ANAPC1: variants seen among roughly 807,000 people sequenced by gnomAD.
ANAPC1 encodes the protein anaphase promoting complex subunit 1.
A neutral mutation model predicts 208.0 loss-of-function variants in ANAPC1; 36 were observed. The observed-to-expected ratio is 0.17, with a 90% CI of 0.13 to 0.23. The LOEUF is 0.23. ANAPC1 is among the 10% of genes least tolerant of loss of function. The pLI is 1.00. For missense variants in ANAPC1, 942 were observed against 2,011.6 expected, an observed-to-expected ratio of 0.47 and a Z score of 10.17; for synonymous variants, 378 against 695.2, an observed-to-expected ratio of 0.54 and a Z score of 7.18.
intron 17 of ANAPC1, among the ~76,000 whole-genome samples, chr2:111,841,278 C>G (rs1680747377): frequency 6.6e-6 from 1 of 151,802 alleles, no homozygotes; most frequent in Admixed American, 6.6e-5. Flanking sequence ...AAAATCTTTG[C>G]CTTCCTAGAA....
intron 6 of ANAPC1, among the ~76,000 whole-genome samples, chr2:111,868,312 G>A (rs528254783): frequency 2.0e-5 from 3 of 152,048 alleles, no homozygotes; most frequent in African/African-American, 4.8e-5. Context: ...ATCAATGCAC[G>A]AACAGAGGGA....
chr2:111,773,343 A>G (rs1161422272), intron 46 of ANAPC1, among the ~76,000 whole-genome samples: 1 of 152,268 alleles, frequency 6.6e-6, no homozygotes, highest in African/African-American at 2.4e-5. Flanking sequence ...CCATTTGATT[A>G]CCATCCGAAA....
chr2:111,807,694 A>AT (rs1678759810), intron 29 of ANAPC1, among the ~76,000 whole-genome samples: 1 of 152,198 alleles, frequency 6.6e-6, no homozygotes. Flanking sequence ...TCTCTCAAAA[A>AT]AAAAAAAAAT....
chr2:111,805,263 G>GA (rs1165151411), intron 30 of ANAPC1, among the ~76,000 whole-genome samples: 1 of 127,562 alleles, frequency 7.8e-6, no homozygotes, highest in Non-Finnish European at 1.6e-5. Flanking sequence ...CATTTCAAGT[G>GA]AAACAATCAT....
intron 2 of ANAPC1, 126 bp downstream of exon 2, chr2:111,880,487 C>T: frequency 2.1e-6 from 3 of 1,436,720 alleles, no homozygotes; most frequent in Non-Finnish European, 2.7e-6. Context: ...ATTGAAATTA[C>T]CACACCTTAA....
rs184994173 is a variant in ANAPC1 at position 111,871,910 on chromosome 2, C to G, written c.611+720G>C. ...CTTTTGGAGGAGTCTATAGGGTTTT[C>G]TAGGTATATAATCATATTATCAGCA... On this transcript the variant is annotated intron_variant, in intron 6 of 47. Coordinates refer to ENST00000341068, the MANE Select transcript of ANAPC1 (RefSeq NM_022662.4). Among the ~76,000 whole-genome samples the G allele has an allele frequency of 4.6e-5, 7 of 152,216 alleles. No homozygotes were observed. In the South Asian group the frequency reaches 1.0e-3, roughly 23 times the overall value.
intron 14 of ANAPC1, among the ~76,000 whole-genome samples, chr2:111,849,125 C>A (rs1681252936): frequency 1.3e-5 from 2 of 152,224 alleles, no homozygotes; most frequent in African/African-American, 4.8e-5. Flanking sequence ...TTACTCTATT[C>A]CAGATTCTAC....
intron 24 of ANAPC1, among the ~76,000 whole-genome samples, chr2:111,823,000 CTTTTTTTTTTTT>C (rs58815496): frequency 1.6e-5 from 1 of 61,312 alleles, no homozygotes; most frequent in African/African-American, 7.1e-5. Flanking sequence ...TCTTTTTATT[CTTTTTTTTTTTT>C]TTTTTTTTTT....
At chr2:111,766,594 C>T (rs1363797166), downstream of ANAPC1, 17 of 213,372 alleles carry the variant, frequency 8.0e-5, no homozygotes, top group Admixed American at 1.6e-4. Flanking sequence ...ACATTCCCCC[C>T]CAATTTGATC....
intron 26 of ANAPC1, among the ~76,000 whole-genome samples, chr2:111,820,070 A>C (rs2104425712): frequency 6.6e-6 from 1 of 152,354 alleles, no homozygotes; most frequent in South Asian, 2.1e-4. Flanking sequence ...AAGATGTATC[A>C]TTATTTCATG....
chr2:111,879,877 A>G (rs1457122034), intron 2 of ANAPC1, among the ~76,000 whole-genome samples: 1 of 149,938 alleles, frequency 6.7e-6, no homozygotes, highest in Non-Finnish European at 1.5e-5. Flanking sequence ...CGTCTCAGGA[A>G]AAAAAAAAAG....
intron 17 of ANAPC1, among the ~76,000 whole-genome samples, chr2:111,840,844 A>G (rs1573438706): frequency 6.6e-6 from 1 of 152,172 alleles, no homozygotes; most frequent in Admixed American, 6.5e-5. Flanking sequence ...GGAGTTTAAA[A>G]CCATCATAGC....
rs745980648 is a variant in ANAPC1 at position 111,873,633 on chromosome 2, T to C, written c.407A>G (p.Asp136Gly). Residue 136 changes from aspartate (D) to glycine (G), a missense_variant, in exon 4 of 48, where the codon GAT becomes GGT. Asp to Gly is a moderately conservative substitution (Grantham distance 94, BLOSUM62 -1). Coordinates refer to ENST00000341068, the MANE Select transcript of ANAPC1 (RefSeq NM_022662.4). ...ALWCDFIISQ[D>G]KSEKAYSSNE... ...CTTACTGTAGGCCTTTTCAGACTTA[T>C]CCTGTGATATAATGAAGTCACACCA... The C allele has an allele frequency of 6.3e-7, 1 of 1,584,782 alleles. No individual in the cohort carries two copies. Among genetic ancestry groups the C allele is most frequent in the South Asian group, 1.2e-5 (1 of 83,244 alleles).
chr2:111,829,917 A>G (rs1457134243), intron 21 of ANAPC1, among the ~76,000 whole-genome samples: 3 of 151,950 alleles, frequency 2.0e-5, no homozygotes, highest in Non-Finnish European at 4.4e-5. Flanking sequence ...TAAAAATACA[A>G]AAAATTAGCC....
chr2:111,846,826 T>C (rs1220563391), intron 16 of ANAPC1, among the ~76,000 whole-genome samples: 1 of 151,958 alleles, frequency 6.6e-6, no homozygotes, highest in Non-Finnish European at 1.5e-5. Context: ...CGCCTCAGTC[T>C]CACAAAGTGT....
chr2:111,775,830 CAT>C (rs1332803931), intron 46 of ANAPC1, among the ~76,000 whole-genome samples: 10 of 152,362 alleles, frequency 6.6e-5, no homozygotes, highest in African/African-American at 2.2e-4. Flanking sequence ...TTTGAAATAA[CAT>C]GTTTTTCCCC....
At chr2:111,810,335 C>T (rs1160422338) in intron 28 of ANAPC1, among the ~76,000 whole-genome samples, 1 of 151,536 alleles carries the variant, frequency 6.6e-6, no homozygotes, top group Non-Finnish European at 1.5e-5. Flanking sequence ...TGGGGAGTCA[C>T]CACTAGTGGG....
intron 2 of ANAPC1, among the ~76,000 whole-genome samples, chr2:111,879,593 G>A (rs1450599588): frequency 4.6e-5 from 7 of 152,168 alleles, no homozygotes; most frequent in East Asian, 1.9e-4. Flanking sequence ...ATTACTCGCC[G>A]GGTGTGGTGG....
At chr2:111,833,391 TC>T (rs1233695297) in intron 19 of ANAPC1, 80 bp from the exon 20 acceptor site, 1 of 1,405,292 alleles carries the variant, frequency 7.1e-7, no homozygotes, top group Non-Finnish European at 9.4e-7. Context: ...ATTAGTTGAA[TC>T]TTTTAATTTA....
Sources: gnomAD v4.1 joint callset for allele counts (sites outside exome capture counted in the v4.1 genomes callset) on GRCh38, gnomAD v4.1.1 for gene constraint, MANE v1.5 for transcripts, NCBI Gene and HGNC (gene_info 2026-07-23, HGNC 2026-07-21) for gene names.